PCSK6: variants seen among roughly 807,000 people sequenced by gnomAD.
The protein encoded by PCSK6 is paired basic amino acid cleaving enzyme 4.
A neutral mutation model predicts 123.3 loss-of-function variants in PCSK6; 85 were observed. That is an observed-to-expected ratio of 0.69 (90% CI 0.58 to 0.83). The LOEUF (loss-of-function observed/expected upper bound fraction) is 0.83. PCSK6 is among the 40% of genes least tolerant of loss of function. PCSK6 has a pLI of 0.00. For missense variants in PCSK6, 1,191 were observed against 1,282.3 expected (o/e 0.93, Z 1.09); for synonymous variants, 508 against 516.0 (o/e 0.98, Z 0.21).
intron 2 of PCSK6, among the ~76,000 whole-genome samples, chr15:101,441,656 G>A (rs1333756602): frequency 6.6e-6 from 1 of 152,210 alleles, no homozygotes; most frequent in Non-Finnish European, 1.5e-5. Flanking sequence ...TTAAGAATCT[G>A]CTTTATTAAT....
chr15:101,361,761 T>C (rs1596232577), intron 13 of PCSK6, among the ~76,000 whole-genome samples: 1 of 151,962 alleles, frequency 6.6e-6, no homozygotes, highest in African/African-American at 2.4e-5. Flanking sequence ...CATTGGATGC[T>C]GGGTGGAGAG....
chr15:101,444,786 A>G (rs2056843354), intron 1 of PCSK6, among the ~76,000 whole-genome samples: 1 of 152,152 alleles, frequency 6.6e-6, no homozygotes, highest in African/African-American at 2.4e-5. Context: ...CCTCCACCTC[A>G]TTCATAGCCA....
At chr15:101,330,475 TC>T (rs1429411914) in intron 15 of PCSK6, among the ~76,000 whole-genome samples, 4 of 152,208 alleles carry the variant, frequency 2.6e-5, no homozygotes, top group Non-Finnish European at 4.4e-5. Flanking sequence ...CTCGTCCTCC[TC>T]CTTTGGCTTC....
At chr15:101,322,386 G>C (rs2040145539) in intron 18 of PCSK6, 134 bp downstream of exon 18, 1 of 637,894 alleles carries the variant, frequency 1.6e-6, no homozygotes, top group African/African-American at 1.8e-5. Context: ...CCAGGACTCG[G>C]AATCTTTACC....
intron 6 of PCSK6, among the ~76,000 whole-genome samples, chr15:101,408,916 C>G (rs906025454): frequency 6.6e-6 from 1 of 152,192 alleles, no homozygotes. Flanking sequence ...ATTCAGTTCC[C>G]CAATCAAAAT....
At chr15:101,413,005 TGAG>T (rs925761371) in intron 6 of PCSK6, among the ~76,000 whole-genome samples, 2,330 of 105,924 alleles carry the variant, frequency 0.022, 45 homozygotes, top group African/African-American at 0.059. Context: ...GGAGGAGGAG[TGAG>T]GAGGAGGAGG....
At chr15:101,419,801 A>C (rs2056019622) in intron 6 of PCSK6, among the ~76,000 whole-genome samples, 1 of 152,118 alleles carries the variant, frequency 6.6e-6, no homozygotes. Flanking sequence ...CTAGGATGTG[A>C]TGAGGGCCAC....
intron 15 of PCSK6, among the ~76,000 whole-genome samples, chr15:101,328,063 G>A (rs1328926393): frequency 2.0e-5 from 3 of 152,212 alleles, no homozygotes; most frequent in Non-Finnish European, 2.9e-5. Flanking sequence ...TCATCTATGA[G>A]GACAGCCTCC....
intron 11 of PCSK6, among the ~76,000 whole-genome samples, chr15:101,378,984 C>T (rs543660288): frequency 6.6e-6 from 1 of 152,202 alleles, no homozygotes; most frequent in Non-Finnish European, 1.5e-5. Flanking sequence ...CGCCTTTGGG[C>T]CTGAGCATGA....
At chr15:101,356,732 G>T (rs1353549882) in intron 13 of PCSK6, among the ~76,000 whole-genome samples, 1 of 151,274 alleles carries the variant, frequency 6.6e-6, no homozygotes, top group Non-Finnish European at 1.5e-5. Context: ...TAATATAGGT[G>T]TGCAGGAATA....
intron 6 of PCSK6, among the ~76,000 whole-genome samples, chr15:101,417,064 C>T (rs1471342849): frequency 1.3e-5 from 2 of 152,334 alleles, no homozygotes; most frequent in African/African-American, 4.8e-5. Flanking sequence ...CCACTGGCAG[C>T]TTGTACCATG....
chr15:101,479,331 G>A (rs935444800), intron 1 of PCSK6, among the ~76,000 whole-genome samples: 5 of 152,238 alleles, frequency 3.3e-5, no homozygotes, highest in Non-Finnish European at 1.5e-5. Flanking sequence ...TCAAAGGCCC[G>A]GACTTCATGA....
chr15:101,317,533 A>G (rs1166859424), intron 19 of PCSK6, among the ~76,000 whole-genome samples: 1 of 152,226 alleles, frequency 6.6e-6, no homozygotes, highest in Non-Finnish European at 1.5e-5. Flanking sequence ...AAATGTTCAA[A>G]ATAAGTGAAG....
intron 13 of PCSK6, chr15:101,347,767 G>T (rs780307527): frequency 6.2e-7 from 1 of 1,613,584 alleles, no homozygotes; most frequent in Non-Finnish European, 8.5e-7. Flanking sequence ...ACGTGTTTTA[G>T]TCCAGGTTCC....
At chr15:101,379,421 C>A (rs1439318124) in intron 11 of PCSK6, among the ~76,000 whole-genome samples, 1 of 152,190 alleles carries the variant, frequency 6.6e-6, no homozygotes, top group African/African-American at 2.4e-5. Context: ...AGCTGTCTGA[C>A]CTTTGGTCAC....
intron 6 of PCSK6, among the ~76,000 whole-genome samples, chr15:101,423,805 T>C (rs1441945890): frequency 6.6e-6 from 1 of 151,990 alleles, no homozygotes; most frequent in Non-Finnish European, 1.5e-5. Context: ...CAAATTTTCT[T>C]TAAAAAGAAT....
At chr15:101,418,949 G>A (rs914163280) in intron 6 of PCSK6, among the ~76,000 whole-genome samples, 2 of 151,878 alleles carry the variant, frequency 1.3e-5, no homozygotes, top group Non-Finnish European at 2.9e-5. Context: ...AGAAATCTAG[G>A]AATATAATAA....
At chr15:101,483,625 G>A (rs531844254) in intron 1 of PCSK6, among the ~76,000 whole-genome samples, 2 of 152,324 alleles carry the variant, frequency 1.3e-5, no homozygotes, top group African/African-American at 2.4e-5. Context: ...GGTATGTGGA[G>A]AATACCTTGC....
At chr15:101,412,714 A>ATATATATATATATATATAT (rs1326677557) in intron 6 of PCSK6, among the ~76,000 whole-genome samples, 1 of 113,844 alleles carries the variant, frequency 8.8e-6, no homozygotes. Context: ...TATATATATA[A>ATATATATATATATATATAT]AATTACCCAA....
Sources: gnomAD v4.1 joint callset for allele counts (sites outside exome capture counted in the v4.1 genomes callset) on GRCh38, gnomAD v4.1.1 for gene constraint, MANE v1.5 for transcripts, NCBI Gene and HGNC (gene_info 2026-07-23, HGNC 2026-07-21) for gene names.